DYNC2I1: variants seen among roughly 807,000 people sequenced by gnomAD.
DYNC2I1 encodes dynein 2 intermediate chain 1.
In DYNC2I1, 89 loss-of-function variants were observed where a neutral mutation model predicts 133.4. The observed-to-expected ratio is 0.67, with a 90% confidence interval of 0.56 to 0.80. The LOEUF is 0.80. Among genes scored for constraint, DYNC2I1 ranks in the 30% least tolerant of loss-of-function variants. The pLI, the probability that DYNC2I1 is intolerant of heterozygous loss-of-function variation, is 0.00. For synonymous variants in DYNC2I1, 504 were observed against 484.3 expected (o/e 1.04, Z -0.54); for missense variants, 1,291 against 1,314.5 (o/e 0.98, Z 0.28).
At position 158,946,129 on chromosome 7, in the gene DYNC2I1, T is replaced by C. The variant is rs2129489949; in HGVS notation, c.*350T>C. 1 of 173,168 alleles carries C rather than the reference T, an allele frequency of 5.8e-6. No individual in the cohort carries two copies. Among genetic ancestry groups the C allele is most frequent in the East Asian group, 1.7e-4 (1 of 6,036 alleles). 10.7% of individuals were successfully genotyped at this position (173,168 alleles called of 1,614,324 possible). A position where few individuals can be genotyped will look rare whatever the true frequency, so the allele number is the denominator to read the frequency against. On this transcript the variant is annotated 3_prime_UTR_variant, in exon 25 of 25. Transcript: ENST00000407559. ...CATGAAAATGTATCTTAATGAACTATTTTCTTATGCATAAAGTATGTGAAC... is the reference window on the plus strand; with the variant it reads ...CATGAAAATGTATCTTAATGAACTACTTTCTTATGCATAAAGTATGTGAAC...
chr7:158,910,100 C>T (rs1011178122), intron 11 of DYNC2I1, among the ~76,000 whole-genome samples: 3 of 152,204 alleles, frequency 2.0e-5, no homozygotes, highest in Admixed American at 1.3e-4. Flanking sequence ...TCTGCCCTTG[C>T]GAGTTTATAT....
rs1585268610 is a variant in DYNC2I1 at position 158,945,683 on chromosome 7, G to C, written c.3105G>C (p.Leu1035=). Residue 1035 remains leucine (L), a synonymous_variant, in exon 25 of 25, where the codon CTG becomes CTC. Transcript: ENST00000407559. The surrounding 1 kb of genome is among the most constrained non-coding windows in gnomAD (Gnocchi z 4.1). ...RASGSIDIQH[L]KRRWAAPEVD... is the part of the protein sequence containing the mutation. ...CTGGCTCCATCGACATCCAGCACCTGAAGAGGCGGTGGGCGGCCCCGGAGG... is the reference window on the plus strand; with the variant it reads ...CTGGCTCCATCGACATCCAGCACCTCAAGAGGCGGTGGGCGGCCCCGGAGG... 6.2e-7 allele frequency: 1 copy of C among 1,612,738 alleles called. No individual in the cohort carries two copies. The highest frequency in any genetic ancestry group is 1.7e-5 in the Admixed American group (1 of 59,864).
chr7:158,887,353 A>G (rs1483780016), intron 7 of DYNC2I1, among the ~76,000 whole-genome samples: 1 of 152,226 alleles, frequency 6.6e-6, no homozygotes, highest in African/African-American at 2.4e-5. Context: ...AGATTTTGAG[A>G]CAGAAAGTGT....
chr7:158,917,132 G>A (rs555567869), intron 14 of DYNC2I1, among the ~76,000 whole-genome samples: 31 of 134,774 alleles, frequency 2.3e-4, no homozygotes, highest in Non-Finnish European at 3.7e-4. Context: ...ACCTCGACAC[G>A]CTGGTTGAGA....
At chr7:158,939,271 A>C (rs113016195) in intron 23 of DYNC2I1, among the ~76,000 whole-genome samples, 107 of 111,710 alleles carry the variant, frequency 9.6e-4, no homozygotes, top group African/African-American at 2.9e-3. Flanking sequence ...ACAAAAAAAA[A>C]CCCAAACAAA....
intron 15 of DYNC2I1, among the ~76,000 whole-genome samples, chr7:158,920,141 C>T (rs62476509): frequency 0.022 from 3,295 of 150,176 alleles, 56 homozygotes; most frequent in Admixed American, 0.052. Flanking sequence ...GTGTGGCCTC[C>T]GTCAGAGAAC....
At chr7:158,845,500 A>T in the DYNC2I1 span, among the ~76,000 whole-genome samples, 1 of 152,220 alleles carries the variant, frequency 6.6e-6, no homozygotes, top group Non-Finnish European at 1.5e-5. Flanking sequence ...ATTTGCCGTA[A>T]GGGTTATAAA....
In DYNC2I1 at chr7:158,871,504, G is replaced by T; in HGVS notation, c.432G>T (p.Leu144=). The T allele has an allele frequency of 6.5e-7, 1 of 1,547,046 alleles. No homozygotes were observed. Residue 144 remains leucine (L), a synonymous_variant, in exon 3 of 25, where the codon CTG becomes CTT. Coordinates refer to ENST00000407559, the MANE Select transcript of DYNC2I1 (RefSeq NM_018051.5). The part of the protein sequence containing the change: ...LRQTVAHHNL[L]GQETRDRQLL... ...AGACCGTGGCCCACCACAACCTGCT[G>T]GGCCAGGAGACACGCGACCGGCAGC...
chr7:158,930,935 T>C (rs1340551139), intron 21 of DYNC2I1, among the ~76,000 whole-genome samples: 1 of 152,220 alleles, frequency 6.6e-6, no homozygotes, highest in Non-Finnish European at 1.5e-5. Flanking sequence ...CCCAAAGTGC[T>C]GGGATTACAG....
At chr7:158,874,209 A>AC (rs1843139456) in intron 3 of DYNC2I1, among the ~76,000 whole-genome samples, 1 of 141,188 alleles carries the variant, frequency 7.1e-6, no homozygotes, top group Non-Finnish European at 1.6e-5. Context: ...GGCCTAATTA[A>AC]TTTTTTTTTT....
chr7:158,842,520 A>G, the DYNC2I1 span, among the ~76,000 whole-genome samples: 9 of 152,208 alleles, frequency 5.9e-5, no homozygotes, highest in Non-Finnish European at 1.2e-4. Flanking sequence ...CAGTCTCCTC[A>G]TACACTTATG....
chr7:158,933,955 T>C (rs1436208156), intron 21 of DYNC2I1, among the ~76,000 whole-genome samples, 174 bp from the exon 22 acceptor site: 2 of 152,082 alleles, frequency 1.3e-5, no homozygotes, highest in Non-Finnish European at 2.9e-5. Context: ...TCTGAAAAAA[T>C]TATCAAGAGT....
At chr7:158,863,121 G>GT (rs2129476158) in intron 1 of DYNC2I1, among the ~76,000 whole-genome samples, 1 of 133,430 alleles carries the variant, frequency 7.5e-6, no homozygotes, top group South Asian at 2.9e-4. Context: ...CTGGCTGGGG[G>GT]TGGGGGGAGG....
the DYNC2I1 span, among the ~76,000 whole-genome samples, chr7:158,850,094 A>G: frequency 6.6e-6 from 1 of 152,098 alleles, no homozygotes; most frequent in South Asian, 2.1e-4. Context: ...GGGAGTAGAC[A>G]CCCCTGAGCC....
intron 23 of DYNC2I1, among the ~76,000 whole-genome samples, chr7:158,936,161 G>C (rs1014645326): frequency 6.6e-6 from 1 of 152,176 alleles, no homozygotes; most frequent in Admixed American, 6.5e-5. Context: ...ATTGCACTCA[G>C]CCTGGGCAAC....
At chr7:158,943,369 C>G (rs1851563887) in intron 24 of DYNC2I1, among the ~76,000 whole-genome samples, 1 of 152,218 alleles carries the variant, frequency 6.6e-6, no homozygotes, top group East Asian at 1.9e-4. Flanking sequence ...CCTGAGATCT[C>G]TCCCTCCCTG....
chr7:158,933,812 A>G (rs1221004603), intron 21 of DYNC2I1, among the ~76,000 whole-genome samples: 3 of 152,248 alleles, frequency 2.0e-5, no homozygotes, highest in African/African-American at 7.2e-5. Flanking sequence ...CACACTAAGA[A>G]CTTGAGACAG....
intron 20 of DYNC2I1, among the ~76,000 whole-genome samples, chr7:158,929,791 G>A (rs1850033160): frequency 1.3e-5 from 2 of 152,210 alleles, no homozygotes; most frequent in Non-Finnish European, 2.9e-5. Flanking sequence ...TAGAGGGAAA[G>A]TGATATTGGG....
chr7:158,841,718 A>G, the DYNC2I1 span, among the ~76,000 whole-genome samples: 7 of 152,370 alleles, frequency 4.6e-5, no homozygotes, highest in African/African-American at 1.7e-4. Flanking sequence ...TTCAGCAAAT[A>G]TGGTGGAGCA....
Sources: allele counts gnomAD v4.1 joint callset (sites outside exome capture counted in the v4.1 genomes callset), GRCh38; gene constraint gnomAD v4.1.1; non-coding constraint Gnocchi (gnomAD v3.1); transcripts MANE v1.5; gene names NCBI Gene and HGNC (gene_info 2026-07-23, HGNC 2026-07-21).